Variants in USP24 observed in about 807,000 individuals in gnomAD.
The protein encoded by USP24 is ubiquitin carboxyl-terminal hydrolase 24.
USP24 carries 97 observed loss-of-function variants against 361.6 expected under a neutral mutation model. The observed-to-expected ratio is 0.27, with a 90% confidence interval of 0.23 to 0.32. The LOEUF (loss-of-function observed/expected upper bound fraction) is 0.32, where lower values mean the gene tolerates loss of function less well. USP24 is among the 10% of genes least tolerant of loss of function. USP24 has a pLI of 1.00. For missense variants in USP24, 2,353 were observed against 3,165.6 expected (o/e 0.74, Z 6.16); for synonymous variants, 1,098 against 1,124.6 (o/e 0.98, Z 0.47).
In USP24 at chr1:55,121,355, C is replaced by T. The variant is rs745497758; in HGVS notation, c.4347+81G>A. 2.2e-5 allele frequency: 29 copies of T among 1,313,372 alleles called. No individual in the cohort carries two copies. In the African/African-American group the frequency reaches 3.3e-4, roughly 15 times the overall value. The allele number at this position is 1,313,372 out of a possible 1,614,324, so 81.4% of individuals were successfully genotyped here. ...GCACTCAATGCCACTCCTGTATTCC[C>T]GACAATGTCACAGGTAGTTGAGACA... On this transcript the variant is annotated intron_variant, in intron 37 of 67. Transcript: ENST00000294383.
intron 50 of USP24, among the ~76,000 whole-genome samples, chr1:55,095,744 G>C (rs938019190): frequency 2.6e-5 from 4 of 152,194 alleles, no homozygotes; most frequent in Non-Finnish European, 4.4e-5. Flanking sequence ...TGTGGCACAA[G>C]ATGGGATAAC....
At position 55,097,709 on chromosome 1, in the gene USP24, T is replaced by C; in HGVS notation, c.5604A>G (p.Thr1868=). Residue 1868 remains threonine (T), a synonymous_variant, in exon 48 of 68, where the codon ACA becomes ACG. Coordinates refer to ENST00000294383, the MANE Select transcript of USP24 (RefSeq NM_015306.3). ...AAGATTTAATACAGGTCCTTTTCAC[T>C]GTTATTCTCTAAAGAAAAAAAAAAG... ...YCEKCKEKRI[T]VKRTCIKSLP... The C allele has an allele frequency of 1.3e-6, 2 of 1,543,774 alleles. No homozygotes were observed. Among genetic ancestry groups the C allele is most frequent in the Non-Finnish European group, 1.7e-6 (2 of 1,149,728 alleles).
At chr1:55,141,863 T>C (rs1646898730) in intron 23 of USP24, 132 bp from the exon 24 acceptor site, 10 of 787,098 alleles carry the variant, frequency 1.3e-5, no homozygotes, top group Non-Finnish European at 1.9e-5. Context: ...ACAGGATCCC[T>C]GGCCTCTACC....
intron 61 of USP24, among the ~76,000 whole-genome samples, chr1:55,077,686 A>G (rs1645059054): frequency 6.6e-6 from 1 of 152,250 alleles, no homozygotes; most frequent in Non-Finnish European, 1.5e-5. Context: ...AACAAAGTAC[A>G]TAAAAAGTCA....
chr1:55,211,532 G>A (rs745919870), intron 1 of USP24, among the ~76,000 whole-genome samples: 2 of 152,160 alleles, frequency 1.3e-5, no homozygotes, highest in Non-Finnish European at 2.9e-5. Flanking sequence ...CTACTGAACC[G>A]GAAGTTAACA....
At chr1:55,168,880 A>T (rs373970499) in intron 5 of USP24, among the ~76,000 whole-genome samples, 2 of 152,304 alleles carry the variant, frequency 1.3e-5, no homozygotes, top group East Asian at 3.9e-4. Flanking sequence ...TGGAAGAAAG[A>T]ACTTTCAACT....
At chr1:55,075,637 A>C (rs1645010132) in intron 62 of USP24, 114 bp from the exon 63 acceptor site, 4 of 473,240 alleles carry the variant, frequency 8.5e-6, no homozygotes. Context: ...CAACAACAAC[A>C]ACAACAACAA....
At chr1:55,184,000 A>T (rs886927212) in intron 1 of USP24, among the ~76,000 whole-genome samples, 1 of 152,152 alleles carries the variant, frequency 6.6e-6, no homozygotes, top group African/African-American at 2.4e-5. Flanking sequence ...TTGGGGGGGA[A>T]AAAAGGACAC....
At position 55,092,882 on chromosome 1, in the gene USP24, T is replaced by C; in HGVS notation, c.6389A>G (p.Asn2130Ser). The C allele has an allele frequency of 6.3e-7, 1 of 1,591,408 alleles. No individual in the cohort carries two copies. The highest frequency in any genetic ancestry group is 8.5e-7 in the Non-Finnish European group (1 of 1,171,786). The change falls in exon 53 of 68, where the codon AAT becomes AGT. Residue 2130 changes from asparagine to serine, a missense_variant. Around this residue, in one of 8 missense-constraint regions of USP24, gnomAD observed 598 missense variants for 761.9 expected, o/e 0.78. Coordinates refer to ENST00000294383, the MANE Select transcript of USP24 (RefSeq NM_015306.3). ...VRDENLKFMK[N>S]RDVYSSDYFS... is the part of the protein sequence containing the mutation. Reference sequence around the variant, plus strand: ...ATAATCACTACTGTATACATCTCTATTCTTCATAAACTTGAGGTTCTCATC... The same window carrying C: ...ATAATCACTACTGTATACATCTCTACTCTTCATAAACTTGAGGTTCTCATC...
intron 4 of USP24, 42 bp downstream of exon 4, chr1:55,172,335 C>T: frequency 1.3e-6 from 2 of 1,504,678 alleles, no homozygotes; most frequent in South Asian, 1.4e-5. Flanking sequence ...GTATTTTAAA[C>T]AAAATCAAAA....
At position 55,165,853 on chromosome 1, in the gene USP24, CCACAGTGAGCATATA is replaced by C; in HGVS notation, c.927+17_927+31del. The stretch of plus-strand genomic sequence containing the variant: ...ACACCAACTCAAGTGAAATGAATTT[CCACAGTGAGCATATA>C]CAGTAGTTTAACTTACCCCAAGTTC... On this transcript the variant is annotated intron_variant, in intron 7 of 67. Transcript: ENST00000294383. The C allele has an allele frequency of 6.5e-7, 1 of 1,540,848 alleles. No homozygotes were observed. The highest frequency in any genetic ancestry group is 1.2e-5 in the South Asian group (1 of 80,180).
chr1:55,194,601 C>CA (rs1228518508), intron 1 of USP24, among the ~76,000 whole-genome samples: 216 of 143,142 alleles, frequency 1.5e-3, no homozygotes, highest in African/African-American at 4.1e-3. Flanking sequence ...GACCCTGTCT[C>CA]AAAAAAAAAA....
chr1:55,096,613 T>C lies in USP24; in HGVS notation c.5946A>G (p.Gly1982=). 6.2e-7 allele frequency: 1 copy of C among 1,610,384 alleles called. No homozygotes were observed. The highest frequency in any genetic ancestry group is 8.5e-7 in the Non-Finnish European group (1 of 1,179,016). ...CATTAAATTTATACCACTTTCCTTT[T>C]CCACACCCTCTAGAACCCAGAGATC... ...YSFIKDRRGC[G]KGKWYKFNDT... The change falls in exon 50 of 68, where the codon GGA becomes GGG. Residue 1982 remains glycine, a synonymous_variant. Coordinates refer to ENST00000294383, the MANE Select transcript of USP24 (RefSeq NM_015306.3).
At chr1:55,110,711 A>C (rs982014195) in intron 38 of USP24, among the ~76,000 whole-genome samples, 1 of 152,172 alleles carries the variant, frequency 6.6e-6, no homozygotes, top group Non-Finnish European at 1.5e-5. Flanking sequence ...AGAGACAGGG[A>C]AACTATTTTA....
At chr1:55,156,447 T>C (rs1165232) in intron 12 of USP24, among the ~76,000 whole-genome samples, 149,650 of 151,968 alleles carry the variant, frequency 0.98, 73,718 homozygotes, top group East Asian at 1. Context: ...GGAGCAATGC[T>C]AGGAAAGTTA....
intron 32 of USP24, among the ~76,000 whole-genome samples, chr1:55,128,094 G>GT (rs1300792872): frequency 5.3e-5 from 8 of 152,084 alleles, no homozygotes; most frequent in Non-Finnish European, 8.8e-5. Context: ...GCTTTCCTTT[G>GT]TTCGTTCCAT....
chr1:55,185,239 C>T (rs1644095986), intron 1 of USP24, among the ~76,000 whole-genome samples: 1 of 151,986 alleles, frequency 6.6e-6, no homozygotes, highest in Admixed American at 6.6e-5. Context: ...AGGTGTGAGC[C>T]AACATATCTG....
At chr1:55,083,505 A>G in intron 57 of USP24, 141 bp from the exon 58 acceptor site, 1 of 885,120 alleles carries the variant, frequency 1.1e-6, no homozygotes, top group Non-Finnish European at 1.7e-6. Flanking sequence ...ACTTGTTAAA[A>G]TCTAATTAAA....
In USP24 at chr1:55,148,568, T is replaced by A. The variant is rs1647102742; in HGVS notation, c.1863A>T (p.Ser621=). ...LEKNKKDGFK[S]SQLNNPQFVW... is the part of the protein sequence containing the mutation. ...CAAACTGGGGATTATTAAGCTGAGA[T>A]GACTAGAGTTAAAAAGAAGTTACAT... The change falls in exon 17 of 68, where the codon TCA becomes TCT. Residue 621 remains serine, a splice_region_variant and synonymous_variant. Transcript: ENST00000294383. 1 of 1,564,798 alleles carries A rather than the reference T, an allele frequency of 6.4e-7. No homozygotes were observed. Among genetic ancestry groups the A allele is most frequent in the Admixed American group, 1.9e-5 (1 of 52,048 alleles).
Sources: gnomAD v4.1 joint callset for allele counts (sites outside exome capture counted in the v4.1 genomes callset) on GRCh38, gnomAD v4.1.1 for gene constraint, gnomAD v4.1.1 regional missense constraint, MANE v1.5 for transcripts, NCBI Gene and HGNC (gene_info 2026-07-23, HGNC 2026-07-21) for gene names.